CP: variants seen among roughly 807,000 people sequenced by gnomAD.
CP encodes caeruloplasmin.
A neutral mutation model predicts 122.4 loss-of-function variants in CP; 64 were observed. That is an observed-to-expected ratio of 0.52 (90% CI 0.43 to 0.64). The LOEUF (loss-of-function observed/expected upper bound fraction) is 0.64, where lower values mean the gene tolerates loss of function less well. CP is among the 30% of genes least tolerant of loss of function. CP has a pLI of 0.00. For missense variants in CP, 1,167 were observed against 1,284.4 expected (o/e 0.91, Z 1.40); for synonymous variants, 440 against 436.4 (o/e 1.01, Z -0.10).
intron 12 of CP, among the ~76,000 whole-genome samples, chr3:149,183,927 T>TA (rs969842101): frequency 1.3e-5 from 2 of 151,266 alleles, no homozygotes; most frequent in African/African-American, 4.9e-5. Flanking sequence ...AGATCATCTC[T>TA]AAGATTACTT....
chr3:149,209,164 G>A (rs1320266066), intron 4 of CP, 47 bp downstream of exon 4: 3 of 1,609,526 alleles, frequency 1.9e-6, no homozygotes, highest in Non-Finnish European at 2.6e-6. Context: ...AGAATTAATG[G>A]ATCAAGGGAA....
chr3:149,198,599 G>C (rs776834927), intron 8 of CP, 21 bp from the exon 9 acceptor site: 26 of 1,605,206 alleles, frequency 1.6e-5, no homozygotes, highest in Non-Finnish European at 2.1e-5. Flanking sequence ...GGTCACATTA[G>C]AGAGGTGAAG....
At position 149,212,605 on chromosome 3, in the gene CP, A is replaced by G. The variant is rs1314890313; in HGVS notation, c.240T>C (p.Phe80=). The G allele has an allele frequency of 5.0e-6, 8 of 1,614,052 alleles. No individual in the cohort carries two copies. In the Middle Eastern group the frequency reaches 1.2e-3, roughly 233 times the overall value. The stretch of plus-strand genomic sequence containing the variant: ...AGACCGGTTTTTCTATAGTTGTCCT[A>G]AAGGTTTCATCTGTGTACTGAAGAT... ...ALYLQYTDET[F]RTTIEKPVWL... Residue 80 remains phenylalanine (F), a synonymous_variant, in exon 2 of 19, where the codon TTT becomes TTC. Transcript: ENST00000264613.
chr3:149,181,569 A>G (rs1725775483), intron 14 of CP, among the ~76,000 whole-genome samples: 1 of 152,236 alleles, frequency 6.6e-6, no homozygotes, highest in Non-Finnish European at 1.5e-5. Flanking sequence ...TTAAAGAAAC[A>G]TTTGATGATC....
chr3:149,212,357 G>T, intron 2 of CP, 94 bp downstream of exon 2: 2 of 1,363,308 alleles, frequency 1.5e-6, no homozygotes, highest in Non-Finnish European at 2.1e-6. Context: ...GCAGTTATAT[G>T]TCTTATCCAG....
At chr3:149,209,643 G>C (rs1016917106) in intron 3 of CP, among the ~76,000 whole-genome samples, 2 of 152,154 alleles carry the variant, frequency 1.3e-5, no homozygotes, top group African/African-American at 4.8e-5. Flanking sequence ...CAAATGGGAA[G>C]ATTGGAATTC....
At chr3:149,186,809 C>A in intron 10 of CP, 77 bp from the exon 11 acceptor site, 1 of 1,401,154 alleles carries the variant, frequency 7.1e-7, no homozygotes, top group Non-Finnish European at 1.0e-6. Flanking sequence ...TTTCCAGGAC[C>A]AACTTTGTTT....
intron 5 of CP, among the ~76,000 whole-genome samples, chr3:149,165,664 C>T (rs1198543660): frequency 1.3e-5 from 2 of 152,062 alleles, no homozygotes; most frequent in Non-Finnish European, 2.9e-5. Context: ...TTCTTGATTA[C>T]ATGGATAAAA....
intron 5 of CP, chr3:149,164,076 T>C: frequency 1.6e-6 from 1 of 614,514 alleles, no homozygotes; most frequent in Non-Finnish European, 2.9e-6. Context: ...AATCCATAGT[T>C]AGGCATACTC....
At chr3:149,164,129 A>G (rs986701655) in intron 5 of CP, among the ~76,000 whole-genome samples, 1 of 152,128 alleles carries the variant, frequency 6.6e-6, no homozygotes, top group Admixed American at 6.6e-5. Flanking sequence ...GAAACTGATG[A>G]TGGTTGGAAC....
At chr3:149,166,018 C>T (rs1311455005) in exon 5 of CP, 1 of 456,262 alleles carries the variant, frequency 2.2e-6, no homozygotes, top group Non-Finnish European at 4.4e-6. Flanking sequence ...GGGTAGATCA[C>T]ATTCCATATT....
chr3:149,172,273 A>G, downstream of CP: 2 of 1,522,396 alleles, frequency 1.3e-6, no homozygotes, highest in South Asian at 2.3e-5. Context: ...AATTTCTAAA[A>G]ATTGAATGCC....
chr3:149,210,715 G>C (rs1255287159), intron 2 of CP, among the ~76,000 whole-genome samples: 1 of 152,160 alleles, frequency 6.6e-6, no homozygotes, highest in Non-Finnish European at 1.5e-5. Flanking sequence ...TATGATCTCA[G>C]ATTTTTGCCC....
chr3:149,181,974 G>GGGGGGGGGGGGGGCC, intron 14 of CP, 31 bp downstream of exon 14: 1 of 1,356,688 alleles, frequency 7.4e-7, no homozygotes, highest in Non-Finnish European at 1.0e-6. Context: ...CTGTTAAAAT[G>GGGGGGGGGGGGGGCC]CACCACCCCC....
Position 149,162,805 on chromosome 3 carries a change from C to T in CP, c.*84G>A, listed in dbSNP as rs1217032727. 9.9e-6 allele frequency: 16 copies of T among 1,613,916 alleles called. No homozygotes were observed. The highest frequency in any genetic ancestry group is 1.4e-5 in the Non-Finnish European group (16 of 1,179,936). On this transcript the variant is annotated 3_prime_UTR_variant, in exon 6 of 6. Coordinates refer to the CP transcript ENST00000479771. The stretch of plus-strand genomic sequence containing the variant: ...CTTCAGGAACTCTTTTTCAAACTCA[C>T]ATCACAGTACATCTGGAGATTGTCT...
chr3:149,175,544 C>G (rs1437728382), intron 18 of CP, among the ~76,000 whole-genome samples: 1 of 152,004 alleles, frequency 6.6e-6, no homozygotes, highest in African/African-American at 2.4e-5. Flanking sequence ...AATTTCCTCC[C>G]TTTGAATTTA....
At chr3:149,175,825 A>C (rs897434679) in intron 18 of CP, among the ~76,000 whole-genome samples, 2 of 152,048 alleles carry the variant, frequency 1.3e-5, no homozygotes, top group Non-Finnish European at 2.9e-5. Context: ...GACACTGCCT[A>C]TTTGAAATTA....
chr3:149,221,646 C>A lies in CP; in HGVS notation c.146+1G>T, dbSNP rs386134134. ...TATAAACAATAAAAATAGTGACTTA[C>A]GTGTCAACAGAAATAAGTTTCTTTT... is the stretch of plus-strand genomic sequence containing the variant. On this transcript the variant is annotated splice_donor_variant, in intron 1 of 18. Transcript: ENST00000264613. LOFTEE classifies it high-confidence loss of function. The A allele has an allele frequency of 1.2e-6, 2 of 1,611,470 alleles. No individual in the cohort carries two copies. Among genetic ancestry groups the A allele is most frequent in the African/African-American group, 2.7e-5 (2 of 74,826 alleles).
At position 149,196,759 on chromosome 3, in the gene CP, T is replaced by C. The variant is rs1417220184; in HGVS notation, c.1713+1608A>G. 2.6e-4 allele frequency among the ~76,000 whole-genome samples: 4 copies of C among 15,436 alleles called. No individual in the cohort carries two copies. In the East Asian group the frequency reaches 0.12, roughly 482 times the overall value. 10.1% of individuals were successfully genotyped at this position (15,436 alleles called of 152,430 possible). On this transcript the variant is annotated intron_variant, in intron 9 of 18. Coordinates refer to ENST00000264613, the MANE Select transcript of CP (RefSeq NM_000096.4). ...AAGTAAAAAAAAATTGAGAAGCCTT[T>C]GATTAATTTGAAACTTATAAATATA...
Sources: allele counts gnomAD v4.1 joint callset (sites outside exome capture counted in the v4.1 genomes callset), GRCh38; gene constraint gnomAD v4.1.1; transcripts MANE v1.5; gene names NCBI Gene and HGNC (gene_info 2026-07-23, HGNC 2026-07-21).